KCNG2: variants seen among roughly 807,000 people sequenced by gnomAD.
KCNG2 encodes potassium voltage-gated channel modifier subfamily G member 2, also known as voltage-gated potassium channel regulatory subunit KCNG2.
In KCNG2, 7 loss-of-function variants were observed where a neutral mutation model predicts 12.3. That is an observed-to-expected ratio of 0.57 (90% CI 0.32 to 1.07). KCNG2 has a LOEUF of 1.07. Ranked by LOEUF, KCNG2 falls within the 50% of genes least tolerant of loss-of-function variation. KCNG2 has a pLI of 0.04. For missense variants in KCNG2, 703 were observed against 726.0 expected, an observed-to-expected ratio of 0.97 and a Z score of 0.36; for synonymous variants, 414 against 351.4, an observed-to-expected ratio of 1.18 and a Z score of -1.99.
chr18:79,875,009 C>T (rs1381838060), intron 3 of KCNG2, among the ~76,000 whole-genome samples: 1 of 152,180 alleles, frequency 6.6e-6, no homozygotes, highest in Non-Finnish European at 1.5e-5. Flanking sequence ...GCGGGACAGC[C>T]TCTGCAGCAA....
At chr18:79,877,898 A>G (rs1227104199) in intron 3 of KCNG2, among the ~76,000 whole-genome samples, 9 of 152,214 alleles carry the variant, frequency 5.9e-5, no homozygotes, top group African/African-American at 2.2e-4. Flanking sequence ...GTGCCTGCTC[A>G]GCCTGGCCCC....
At chr18:79,807,311 C>T (rs2087456955) in intron 1 of KCNG2, among the ~76,000 whole-genome samples, 1 of 152,076 alleles carries the variant, frequency 6.6e-6, no homozygotes, top group South Asian at 2.1e-4. Flanking sequence ...GTTGGGGTGC[C>T]GCGAGCAAAC....
At chr18:79,896,482 TCC>T (rs1980980421) in intron 3 of KCNG2, among the ~76,000 whole-genome samples, 2 of 152,238 alleles carry the variant, frequency 1.3e-5, no homozygotes, top group Admixed American at 1.3e-4. Context: ...CACTGTCATT[TCC>T]TTAGACCATT....
chr18:79,843,993 AG>A (rs1978543245), intron 1 of KCNG2, among the ~76,000 whole-genome samples: 1 of 152,230 alleles, frequency 6.6e-6, no homozygotes, highest in African/African-American at 2.4e-5. Flanking sequence ...GACTTGGTTT[AG>A]CTTTAAGGAT....
chr18:79,842,301 C>G (rs2123038387), intron 1 of KCNG2, among the ~76,000 whole-genome samples: 1 of 152,318 alleles, frequency 6.6e-6, no homozygotes, highest in African/African-American at 2.4e-5. Context: ...ACTCCAGCAG[C>G]AGGCCTTCAT....
intron 1 of KCNG2, among the ~76,000 whole-genome samples, chr18:79,844,959 C>G (rs959164405): frequency 6.6e-6 from 1 of 152,162 alleles, no homozygotes; most frequent in East Asian, 1.9e-4. Context: ...AGAGGAAAAG[C>G]AAACTGTGTG....
At chr18:79,872,361 C>T (rs2123092185) in intron 3 of KCNG2, among the ~76,000 whole-genome samples, 1 of 136,316 alleles carries the variant, frequency 7.3e-6, no homozygotes, top group East Asian at 2.3e-4. Flanking sequence ...TCACAGCTTA[C>T]TGCAATCTCC....
At chr18:79,810,193 T>C (rs2087484246) in intron 1 of KCNG2, among the ~76,000 whole-genome samples, 2 of 151,590 alleles carry the variant, frequency 1.3e-5, no homozygotes, top group South Asian at 2.1e-4. Context: ...GAGTGGGTAA[T>C]AGTCTAAAGG....
chr18:79,847,097 C>T (rs1251043057), intron 1 of KCNG2, among the ~76,000 whole-genome samples: 1 of 152,234 alleles, frequency 6.6e-6, no homozygotes, highest in Non-Finnish European at 1.5e-5. Flanking sequence ...GATTATCTGG[C>T]AACATCTACT....
At chr18:79,878,084 T>A (rs1433320228) in intron 3 of KCNG2, among the ~76,000 whole-genome samples, 1 of 152,252 alleles carries the variant, frequency 6.6e-6, no homozygotes, top group Non-Finnish European at 1.5e-5. Context: ...TGCCAGGAAA[T>A]GTGTAAATGC....
chr18:79,864,890 G>C (rs1366213307), intron 3 of KCNG2, among the ~76,000 whole-genome samples: 1 of 151,586 alleles, frequency 6.6e-6, no homozygotes, highest in East Asian at 1.9e-4. Context: ...TGTGTGCTGA[G>C]AGGACTGTGT....
chr18:79,828,107 T>C (rs1978287565), intron 1 of KCNG2, among the ~76,000 whole-genome samples: 1 of 152,166 alleles, frequency 6.6e-6, no homozygotes, highest in African/African-American at 2.4e-5. Flanking sequence ...GTATCTTTTG[T>C]AGAGATGGTG....
Position 79,865,811 on chromosome 18 carries a change from G to C in KCNG2, c.624+1520G>C, listed in dbSNP as rs1428914997. Among the ~76,000 whole-genome samples, 17 of 126,764 alleles carry C rather than the reference G, an allele frequency of 1.3e-4. 1 individual carries two copies. Among genetic ancestry groups the C allele is most frequent in the African/African-American group, 4.7e-4 (17 of 36,260 alleles). 83.2% of individuals were successfully genotyped at this position (126,764 alleles called of 152,430 possible). A position where few individuals can be genotyped will look rare whatever the true frequency, so the allele number is the denominator to read the frequency against. On this transcript the variant is annotated intron_variant, in intron 3 of 3. Coordinates refer to ENST00000316249, the MANE Select transcript of KCNG2 (RefSeq NM_012283.2). Reference sequence around the variant, plus strand: ...GGGTGCTGAGAGGTCTGTGTGCTGAGAGGTCTGGGTGCTGAGAGGTCTGTA... The same window carrying C: ...GGGTGCTGAGAGGTCTGTGTGCTGACAGGTCTGGGTGCTGAGAGGTCTGTA...
At chr18:79,821,062 C>G (rs1233871500) in intron 1 of KCNG2, among the ~76,000 whole-genome samples, 1 of 152,132 alleles carries the variant, frequency 6.6e-6, no homozygotes, top group Non-Finnish European at 1.5e-5. Flanking sequence ...ATATTTTCCC[C>G]CAGTCTGTGG....
At position 79,863,891 on chromosome 18, in the gene KCNG2, C is replaced by A; in HGVS notation, c.224C>A (p.Pro75Gln). The change falls in exon 3 of 4, where the codon CCG becomes CAG. Residue 75 changes from proline (P) to glutamine (Q), a missense_variant. By Grantham distance (76) the Pro-to-Gln change is moderately conservative. Transcript: ENST00000316249. ...SRDEFFFDRSPCAFRAIVALL... is the reference protein window; with the variant it reads ...SRDEFFFDRSQCAFRAIVALL... ...GACGAGTTCTTCTTCGACCGCAGCCCGTGCGCCTTCCGCGCCATCGTGGCG... is the reference window on the plus strand; with the variant it reads ...GACGAGTTCTTCTTCGACCGCAGCCAGTGCGCCTTCCGCGCCATCGTGGCG... The A allele has an allele frequency of 6.8e-7, 1 of 1,461,234 alleles. No individual in the cohort carries two copies. The highest frequency in any genetic ancestry group is 9.1e-7 in the Non-Finnish European group (1 of 1,103,402). The allele number at this position is 1,461,234 out of a possible 1,614,324, so 90.5% of individuals were successfully genotyped here. A position where few individuals can be genotyped will look rare whatever the true frequency, so the allele number is the denominator to read the frequency against.
intron 3 of KCNG2, among the ~76,000 whole-genome samples, chr18:79,892,625 GGTT>G (rs368237108): frequency 1.3e-5 from 2 of 152,092 alleles, no homozygotes; most frequent in Non-Finnish European, 2.9e-5. Context: ...CTTTTGACTG[GGTT>G]GTTCACTCCA....
chr18:79,892,113 T>TA (rs35997999), intron 3 of KCNG2, among the ~76,000 whole-genome samples: 46,431 of 123,458 alleles, frequency 0.38, 9,472 homozygotes, highest in Non-Finnish European at 0.5. Flanking sequence ...AGACTCCGTC[T>TA]AAAAAAAAAA....
intron 1 of KCNG2, among the ~76,000 whole-genome samples, chr18:79,819,425 G>A (rs1184115672): frequency 6.6e-6 from 1 of 152,210 alleles, no homozygotes; most frequent in African/African-American, 2.4e-5. Flanking sequence ...CCAGGCCTGG[G>A]GTCCCCACAG....
At chr18:79,814,910 CTTTT>C (rs11392136) in intron 1 of KCNG2, among the ~76,000 whole-genome samples, 1 of 142,862 alleles carries the variant, frequency 7.0e-6, no homozygotes, top group Non-Finnish European at 1.5e-5. Context: ...ACCCTGTGTG[CTTTT>C]TTTTTTTTTT....
Sources: gnomAD v4.1 joint callset for allele counts (sites outside exome capture counted in the v4.1 genomes callset) on GRCh38, gnomAD v4.1.1 for gene constraint, MANE v1.5 for transcripts, NCBI Gene and HGNC (gene_info 2026-07-23, HGNC 2026-07-21) for gene names.